The following SACS variants were observed in gnomAD, a reference collection of about 807,000 sequenced individuals.
SACS encodes the protein sacsin.
SACS carries 197 observed loss-of-function variants against 348.0 expected under a neutral mutation model. The ratio of observed to expected loss-of-function variants is 0.57; its 90% confidence interval spans 0.50 to 0.64. SACS has a LOEUF of 0.64. SACS is among the 30% of genes least tolerant of loss of function. SACS has a pLI of 0.00. For synonymous variants in SACS, 1,985 were observed against 1,910.6 expected, an observed-to-expected ratio of 1.04 and a Z score of -1.02; for missense variants, 4,999 against 5,360.8, an observed-to-expected ratio of 0.93 and a Z score of 2.11.
At position 23,411,624 on chromosome 13, in the gene SACS, G is replaced by T; in HGVS notation, c.-385C>A. On this transcript the variant is annotated 5_prime_UTR_variant, in exon 2 of 10. Transcript: ENST00000382292. ...TTTGAAGGTTCTTGGGGAAAACGTC[G>T]CAGAAATTCTTGGATTTTGTTTCTC... 5.1e-6 allele frequency: 1 copy of T among 194,634 alleles called. No individual in the cohort carries two copies. Among genetic ancestry groups the T allele is most frequent in the Non-Finnish European group, 1.0e-5 (1 of 97,542 alleles). 12.1% of individuals were successfully genotyped at this position (194,634 alleles called of 1,614,324 possible). A position where few individuals can be genotyped will look rare whatever the true frequency, so the allele number is the denominator to read the frequency against.
chr13:23,347,716 T>C (rs1373624846), intron 9 of SACS, among the ~76,000 whole-genome samples: 2 of 152,040 alleles, frequency 1.3e-5, no homozygotes, highest in South Asian at 2.1e-4. Context: ...GTGAGTGCCA[T>C]GGAGAACAGA....
chr13:23,354,190 T>A lies in SACS; in HGVS notation c.2094-314A>T, dbSNP rs549643278. On this transcript the variant is annotated intron_variant, in intron 8 of 9. Coordinates refer to ENST00000382292, the MANE Select transcript of SACS (RefSeq NM_014363.6). ...ACTTAATATACTATTTTTCATGAAT[T>A]TAAATATTATCAAAATAATTCATTA... 1.4e-4 allele frequency among the ~76,000 whole-genome samples: 21 copies of A among 152,328 alleles called. No homozygotes were observed. The South Asian group carries it at 4.1e-3, about 30-fold the overall frequency.
intron 9 of SACS, among the ~76,000 whole-genome samples, chr13:23,351,617 C>A (rs2137695870): frequency 6.6e-6 from 1 of 152,284 alleles, no homozygotes; most frequent in East Asian, 1.9e-4. Context: ...CATTAAACTT[C>A]TTTTTATTTA....
At chr13:23,356,111 A>C in intron 7 of SACS, 104 bp from the exon 8 acceptor site, 1 of 921,010 alleles carries the variant, frequency 1.1e-6, no homozygotes, top group East Asian at 2.6e-5. Context: ...TAAATGACTA[A>C]AACAGATTTA....
chr13:23,368,122 C>A (rs1024170978), intron 5 of SACS, among the ~76,000 whole-genome samples: 9 of 151,960 alleles, frequency 5.9e-5, no homozygotes, highest in African/African-American at 2.2e-4. Flanking sequence ...TAAAGCCCTG[C>A]ACAATGATCT....
In SACS at chr13:23,333,756, A is replaced by G. The variant is rs764724662; in HGVS notation, c.10120T>C (p.Phe3374Leu). The stretch of plus-strand genomic sequence containing the variant: ...TTTTCTACTAATTTTTCTGCTCTAA[A>G]TGTTGAAGTTTGGACCATATAATGT... The part of the protein sequence containing the change: ...ALHYMVQTST[F>L]RAEKLVENDF... The change falls in exon 10 of 10, where the codon TTT becomes CTT. Residue 3374 changes from phenylalanine to leucine, a missense_variant. Transcript: ENST00000382292. The G allele has an allele frequency of 6.2e-7, 1 of 1,613,842 alleles. No homozygotes were observed. The highest frequency in any genetic ancestry group is 1.1e-5 in the South Asian group (1 of 91,070).
intron 2 of SACS, among the ~76,000 whole-genome samples, chr13:23,391,364 G>A (rs1283301018): frequency 5.3e-5 from 8 of 152,154 alleles, no homozygotes; most frequent in Non-Finnish European, 8.8e-5. Context: ...CAGCTCTCCG[G>A]CTCAGGTTGG....
At position 23,354,745 on chromosome 13, in the gene SACS, C is replaced by A; in HGVS notation, c.1867G>T (p.Val623Leu). 1 of 1,613,798 alleles carries A rather than the reference C, an allele frequency of 6.2e-7. No individual in the cohort carries two copies. ...QLTAASGTTP[V>L]RKVTPAWVRQ... The stretch of plus-strand genomic sequence containing the variant: ...ACCCACGCGGGCGTCACCTTCCTCA[C>A]AGGTGTTGTGCCAGAGGCAGCTGTG... The change falls in exon 8 of 10, where the codon GTG (valine) becomes TTG (leucine). Residue 623 changes from valine to leucine, a missense_variant. By Grantham distance (32) the Val-to-Leu change is conservative (BLOSUM62 1). This residue lies in a region of SACS where 3,156 missense variants were observed against 3,380.1 expected (regional missense o/e 0.93). Transcript: ENST00000382292.
At chr13:23,404,127 C>T (rs9510723) in intron 2 of SACS, among the ~76,000 whole-genome samples, 111,633 of 152,106 alleles carry the variant, frequency 0.73, 41,006 homozygotes, top group East Asian at 0.82. Context: ...TTATGATTTG[C>T]GTTCTTTTGC....
intron 1 of SACS, among the ~76,000 whole-genome samples, chr13:23,411,997 C>T (rs1309325181): frequency 4.6e-5 from 7 of 152,214 alleles, no homozygotes; most frequent in Admixed American, 3.3e-4. Flanking sequence ...CGGTGGCTCA[C>T]GCCTGTAATC....
chr13:23,418,568 T>C (rs1873779463), intron 1 of SACS, among the ~76,000 whole-genome samples: 2 of 152,152 alleles, frequency 1.3e-5, no homozygotes, highest in Admixed American at 1.3e-4. Flanking sequence ...GGGCAGTGGC[T>C]GATCTCTGCT....
At chr13:23,371,253 A>ACAAGCATTACTTAAGT in intron 3 of SACS, 88 bp from the exon 4 acceptor site, 2 of 678,384 alleles carry the variant, frequency 2.9e-6, no homozygotes, top group Non-Finnish European at 4.7e-6. Context: ...TTTTCACTTA[A>ACAAGCATTACTTAAGT]GTAATGCTTG....
chr13:23,391,769 G>A (rs577902334), intron 2 of SACS, among the ~76,000 whole-genome samples: 5 of 151,844 alleles, frequency 3.3e-5, no homozygotes, highest in Non-Finnish European at 5.9e-5. Flanking sequence ...CAGTATGATC[G>A]CCTATTCCAT....
chr13:23,332,141 T>C lies in SACS; in HGVS notation c.11735A>G (p.Gln3912Arg), dbSNP rs770895101. The change falls in exon 10 of 10, where the codon CAG becomes CGG. Residue 3912 changes from glutamine (Q) to arginine (R), a missense_variant. Gln to Arg is a conservative substitution (Grantham distance 43). Transcript: ENST00000382292. ...GCTTGACTTTACCAATCTACCATCC[T>C]GGCTTGGGAGGTAAAGCGCAAGGTC... is the stretch of plus-strand genomic sequence containing the variant. ...VRDLALYLPSQDGRLVKSSIL... is the reference protein window; with the variant it reads ...VRDLALYLPSRDGRLVKSSIL... 6.2e-7 allele frequency: 1 copy of C among 1,614,082 alleles called. No homozygotes were observed. Among genetic ancestry groups the C allele is most frequent in the Non-Finnish European group, 8.5e-7 (1 of 1,179,960 alleles).
intron 2 of SACS, among the ~76,000 whole-genome samples, chr13:23,397,520 A>T (rs1872756215): frequency 6.6e-6 from 1 of 152,214 alleles, no homozygotes; most frequent in African/African-American, 2.4e-5. Flanking sequence ...TGCTCTTAGT[A>T]ACATATTTTA....
At chr13:23,352,617 T>C (rs1870036410) in intron 9 of SACS, among the ~76,000 whole-genome samples, 1 of 152,088 alleles carries the variant, frequency 6.6e-6, no homozygotes, top group Non-Finnish European at 1.5e-5. Context: ...CAACACAAAA[T>C]TTTAACAAAA....
rs756605162 is a variant in SACS at position 23,338,012 on chromosome 13, T to C, written c.5864A>G (p.Asp1955Gly). The change falls in exon 10 of 10, where the codon GAT (aspartate) becomes GGT (glycine). Residue 1955 changes from aspartate to glycine, a missense_variant. Asp to Gly is a moderately conservative substitution (Grantham distance 94). Transcript: ENST00000382292. ...VWPDPDLVHDDFSVICQGFYE... is the reference protein window; with the variant it reads ...VWPDPDLVHDGFSVICQGFYE... ...AAATCCTTGGCAAATTACAGAAAAA[T>C]CATCATGAACTAAATCAGGATCGGG... 8.1e-6 allele frequency: 13 copies of C among 1,613,740 alleles called. No individual in the cohort carries two copies. The Admixed American group carries it at 1.2e-4, about 14-fold the overall frequency.
chr13:23,375,526 G>A (rs1593161527), intron 2 of SACS: 3 of 1,093,922 alleles, frequency 2.7e-6, no homozygotes, highest in Non-Finnish European at 2.2e-6. Flanking sequence ...AGAGGAAGCC[G>A]CGGCGGCCGA....
chr13:23,355,551 G>C lies in SACS; in HGVS notation c.1061C>G (p.Thr354Ser), dbSNP rs1425519295. 16 of 1,613,960 alleles carry C rather than the reference G, an allele frequency of 9.9e-6. No homozygotes were observed. In the South Asian group the frequency reaches 1.5e-4, roughly 16 times the overall value. ...ERPNSIKILGTAISNYCKKTP... is the reference protein window; with the variant it reads ...ERPNSIKILGSAISNYCKKTP... The stretch of plus-strand genomic sequence containing the variant: ...CTTTTTACAATAGTTACTTATAGCA[G>C]TTCCCAGAATCTTTATAGAATTCGG... Residue 354 changes from threonine (T) to serine (S), a missense_variant, in exon 8 of 10, where the codon ACT becomes AGT. Coordinates refer to ENST00000382292, the MANE Select transcript of SACS (RefSeq NM_014363.6).
Sources: gnomAD v4.1 joint callset for allele counts (sites outside exome capture counted in the v4.1 genomes callset) on GRCh38, gnomAD v4.1.1 for gene constraint, gnomAD v4.1.1 regional missense constraint, MANE v1.5 for transcripts, NCBI Gene and HGNC (gene_info 2026-07-23, HGNC 2026-07-21) for gene names.